The following TOM1L1 variants were observed in gnomAD, a reference collection of about 807,000 sequenced individuals.
TOM1L1 encodes TOM1-like protein 1.
TOM1L1 carries 64 observed loss-of-function variants against 63.4 expected under a neutral mutation model. The observed-to-expected ratio is 1.01, with a 90% CI of 0.83 to 1.24. TOM1L1 has a LOEUF of 1.24. Among genes scored for constraint, TOM1L1 ranks in the 50% most tolerant of loss-of-function variants. TOM1L1 has a pLI of 0.00. For synonymous variants in TOM1L1, 166 were observed against 194.4 expected, an observed-to-expected ratio of 0.85 and a Z score of 1.22; for missense variants, 536 against 567.0, an observed-to-expected ratio of 0.95 and a Z score of 0.55.
At chr17:54,933,251 A>G (rs1184044922) in intron 8 of TOM1L1, among the ~76,000 whole-genome samples, 1 of 152,066 alleles carries the variant, frequency 6.6e-6, no homozygotes, top group Non-Finnish European at 1.5e-5. Flanking sequence ...AACCATGTCT[A>G]GTTCAGGCCT....
At chr17:54,902,278 TTTG>T (rs946057783) in intron 1 of TOM1L1, among the ~76,000 whole-genome samples, 9 of 152,078 alleles carry the variant, frequency 5.9e-5, no homozygotes, top group African/African-American at 1.4e-4. Context: ...ATTCAAGTTT[TTTG>T]TTGTTGTTGT....
intron 1 of TOM1L1, among the ~76,000 whole-genome samples, chr17:54,903,071 C>T (rs527806439): frequency 2.6e-5 from 4 of 152,270 alleles, no homozygotes; most frequent in African/African-American, 4.8e-5. Context: ...TAGAAGGAAT[C>T]GTGAGATTAA....
chr17:54,914,008 CAT>C, intron 5 of TOM1L1, 135 bp downstream of exon 5: 1 of 988,524 alleles, frequency 1.0e-6, no homozygotes, highest in Non-Finnish European at 1.4e-6. Context: ...TGCAATATCT[CAT>C]AGAATAACCG....
intron 14 of TOM1L1, chr17:54,958,059 A>G (rs944953825): frequency 6.6e-6 from 1 of 152,210 alleles, no homozygotes; most frequent in African/African-American, 2.4e-5. Context: ...AAGTTTGGAA[A>G]TGAGTATTGT....
chr17:54,904,078 T>C (rs1355656698), intron 2 of TOM1L1, among the ~76,000 whole-genome samples: 1 of 152,044 alleles, frequency 6.6e-6, no homozygotes, highest in Non-Finnish European at 1.5e-5. Flanking sequence ...TTCTAAAAGA[T>C]TGAAAAAGGC....
At chr17:54,957,198 G>A (rs2049555472) in intron 14 of TOM1L1, 1 of 152,244 alleles carries the variant, frequency 6.6e-6, no homozygotes, top group Non-Finnish European at 1.5e-5. Context: ...GACATGTGTA[G>A]ACATTTGATA....
intron 7 of TOM1L1, among the ~76,000 whole-genome samples, chr17:54,921,129 C>T (rs745874488): frequency 2.6e-5 from 4 of 152,190 alleles, no homozygotes; most frequent in Non-Finnish European, 5.9e-5. Flanking sequence ...GAGAACTCTA[C>T]TGGAGATTGG....
intron 14 of TOM1L1, chr17:54,953,558 G>C (rs150886669): frequency 6.6e-6 from 1 of 152,406 alleles, no homozygotes; most frequent in African/African-American, 2.4e-5. Context: ...GGATGATTTG[G>C]ACATTCCCTT....
chr17:54,932,755 C>T (rs942900392), intron 8 of TOM1L1, among the ~76,000 whole-genome samples: 1 of 152,148 alleles, frequency 6.6e-6, no homozygotes, highest in African/African-American at 2.4e-5. Context: ...AAGAAACTCA[C>T]AATTGTTACT....
intron 9 of TOM1L1, 118 bp from the exon 10 acceptor site, chr17:54,936,991 G>A: frequency 1.1e-6 from 1 of 877,454 alleles, no homozygotes; most frequent in Non-Finnish European, 1.8e-6. Context: ...TCGTTGAGTG[G>A]AGAATTCTTC....
chr17:54,914,648 A>G lies in TOM1L1; in HGVS notation c.508A>G (p.Ile170Val). Residue 170 changes from isoleucine to valine, a missense_variant, in exon 6 of 16, where the codon ATC (isoleucine) becomes GTC (valine). Coordinates refer to ENST00000575882, the MANE Select transcript of TOM1L1 (RefSeq NM_005486.3). ...AETARQETAQ[I>V]SSNPPTSVPT... Reference sequence around the variant, plus strand: ...TGTTTCATACTCATAGACTGCTCAAATCTCATCAAATCCTCCAACATCTGT... The same window carrying G: ...TGTTTCATACTCATAGACTGCTCAAGTCTCATCAAATCCTCCAACATCTGT... 1 of 1,613,298 alleles carries G rather than the reference A, an allele frequency of 6.2e-7. No individual in the cohort carries two copies. The highest frequency in any genetic ancestry group is 8.5e-7 in the Non-Finnish European group (1 of 1,179,374).
chr17:54,928,377 C>A (rs1449390354), intron 7 of TOM1L1, among the ~76,000 whole-genome samples: 2 of 145,104 alleles, frequency 1.4e-5, no homozygotes, highest in African/African-American at 5.3e-5. Context: ...CAAAAAAAAA[C>A]AAAACAACAA....
At chr17:54,944,671 A>G (rs2143935242) in intron 11 of TOM1L1, among the ~76,000 whole-genome samples, 1 of 152,304 alleles carries the variant, frequency 6.6e-6, no homozygotes, top group African/African-American at 2.4e-5. Flanking sequence ...ATCAGTGACT[A>G]CAGAATATGG....
chr17:54,958,182 G>A (rs2076999237), intron 14 of TOM1L1: 1 of 152,250 alleles, frequency 6.6e-6, no homozygotes, highest in Non-Finnish European at 1.5e-5. Flanking sequence ...CTCAGTACCA[G>A]ATGAGGAAAA....
intron 2 of TOM1L1, among the ~76,000 whole-genome samples, chr17:54,904,369 C>CAAA (rs1165559722): frequency 1.3e-5 from 1 of 78,162 alleles, no homozygotes; most frequent in Non-Finnish European, 2.9e-5. Context: ...GACTCTATCT[C>CAAA]AAAAAAAAAA....
At chr17:54,916,651 C>T (rs982359560) in intron 7 of TOM1L1, 4 of 152,148 alleles carry the variant, frequency 2.6e-5, no homozygotes, top group South Asian at 2.1e-4. Flanking sequence ...GATTCCCACT[C>T]GCCACCTCTC....
chr17:54,955,638 T>C (rs908139970), intron 14 of TOM1L1, among the ~76,000 whole-genome samples: 1 of 151,992 alleles, frequency 6.6e-6, no homozygotes, highest in Admixed American at 6.5e-5. Context: ...ACAAGCATCC[T>C]TGTCTTTTTG....
intron 3 of TOM1L1, among the ~76,000 whole-genome samples, chr17:54,909,685 T>A (rs1351315020): frequency 6.6e-6 from 1 of 152,148 alleles, no homozygotes; most frequent in Non-Finnish European, 1.5e-5. Context: ...ATTTTGCAGA[T>A]AAGGACACTG....
At chr17:54,924,169 C>T (rs1165954681) in intron 7 of TOM1L1, among the ~76,000 whole-genome samples, 1 of 152,040 alleles carries the variant, frequency 6.6e-6, no homozygotes, top group Non-Finnish European at 1.5e-5. Context: ...AACCTCCTTC[C>T]TATTCCTTGA....
Sources: gnomAD v4.1 joint callset for allele counts (sites outside exome capture counted in the v4.1 genomes callset) on GRCh38, gnomAD v4.1.1 for gene constraint, MANE v1.5 for transcripts, NCBI Gene and HGNC (gene_info 2026-07-23, HGNC 2026-07-21) for gene names.